The following NFIL3 variants were observed in gnomAD, a reference collection of about 807,000 sequenced individuals.
NFIL3 encodes nuclear factor interleukin-3-regulated protein.
Under a neutral mutation model 10.0 loss-of-function variants are expected in NFIL3, and 5 were observed. The observed-to-expected ratio is 0.50, with a 90% CI of 0.26 to 1.06. NFIL3 has a LOEUF of 1.06. Among genes scored for constraint, NFIL3 ranks in the 50% least tolerant of loss-of-function variants. The pLI is 0.13. For synonymous variants in NFIL3, 202 were observed against 206.5 expected, an observed-to-expected ratio of 0.98 and a Z score of 0.19; for missense variants, 436 against 547.6, an observed-to-expected ratio of 0.80 and a Z score of 2.03.
chr9:91,451,839 T>A, the NFIL3 span, among the ~76,000 whole-genome samples: 3 of 152,156 alleles, frequency 2.0e-5, no homozygotes, highest in African/African-American at 7.2e-5. Flanking sequence ...AGTAAGGAAG[T>A]CCTTTGTCTC....
At chr9:91,468,861 T>C in the NFIL3 span, among the ~76,000 whole-genome samples, 1 of 152,184 alleles carries the variant, frequency 6.6e-6, no homozygotes, top group African/African-American at 2.4e-5. Flanking sequence ...TGTGTGATGT[T>C]GTTTCTGAGG....
At chr9:91,436,503 G>A in the NFIL3 span, among the ~76,000 whole-genome samples, 1 of 152,022 alleles carries the variant, frequency 6.6e-6, no homozygotes, top group African/African-American at 2.4e-5. Flanking sequence ...GCGTGAATCC[G>A]GGTGGCGGAG....
In NFIL3 at chr9:91,409,299, T is replaced by C. The variant is rs1458765464; in HGVS notation, c.*47A>G. 3 of 1,510,024 alleles carry C rather than the reference T, an allele frequency of 2.0e-6. No homozygotes were observed. Among genetic ancestry groups the C allele is most frequent in the East Asian group, 2.3e-5 (1 of 44,080 alleles). 93.5% of individuals were successfully genotyped at this position (1,510,024 alleles called of 1,614,324 possible). On this transcript the variant is annotated 3_prime_UTR_variant, in exon 2 of 2. Transcript: ENST00000297689. ...GCATAATACAAAATGGACTGCTCTA[T>C]TGCAAATGACATCTTTCTAAATGCC...
At chr9:91,461,468 T>C in the NFIL3 span, among the ~76,000 whole-genome samples, 1 of 150,676 alleles carries the variant, frequency 6.6e-6, no homozygotes, top group Admixed American at 6.6e-5. Flanking sequence ...GCCACAAACT[T>C]CGTGGCTTAA....
the NFIL3 span, among the ~76,000 whole-genome samples, chr9:91,479,842 A>G: frequency 2.0e-5 from 3 of 152,228 alleles, no homozygotes; most frequent in Non-Finnish European, 2.9e-5. Context: ...AAAGCGTAGT[A>G]TCTGGGCCAG....
chr9:91,440,587 T>G, the NFIL3 span, among the ~76,000 whole-genome samples: 8 of 152,068 alleles, frequency 5.3e-5, no homozygotes, highest in Admixed American at 1.3e-4. Context: ...TCTTGAAGAA[T>G]ATTTTTAGAC....
the NFIL3 span, among the ~76,000 whole-genome samples, chr9:91,479,088 C>T: frequency 3.3e-5 from 5 of 152,190 alleles, no homozygotes; most frequent in African/African-American, 1.2e-4. Context: ...TCAACCCCTG[C>T]TGGGACGTGT....
the NFIL3 span, among the ~76,000 whole-genome samples, chr9:91,434,760 G>A: frequency 0.08 from 12,213 of 151,860 alleles, 687 homozygotes; most frequent in South Asian, 0.16. Flanking sequence ...AATAATTTTC[G>A]AAAAAAATCA....
At position 91,410,524 on chromosome 9, in the gene NFIL3, T is replaced by C; in HGVS notation, c.211A>G (p.Lys71Glu). ...RRKREFIPDE[K>E]KDAMYWEKRR... ...TTTTCCCAATACATAGCATCTTTCT[T>C]TTCATCAGGAATGAATTCCCGTTTC... The change falls in exon 2 of 2, where the codon AAG (lysine) becomes GAG (glutamate). Residue 71 changes from lysine to glutamate, a missense_variant. Lys to Glu is a moderately conservative substitution (Grantham distance 56). Transcript: ENST00000297689. This position sits in a 1 kb window ranked among gnomAD's most constrained non-coding sequence, Gnocchi z 5.7. 6.2e-7 allele frequency: 1 copy of C among 1,614,220 alleles called. No individual in the cohort carries two copies. The highest frequency in any genetic ancestry group is 8.5e-7 in the Non-Finnish European group (1 of 1,180,048).
At chr9:91,465,224 A>G in the NFIL3 span, among the ~76,000 whole-genome samples, 1 of 152,128 alleles carries the variant, frequency 6.6e-6, no homozygotes, top group African/African-American at 2.4e-5. Context: ...TCAAATACGT[A>G]TACACTGCCC....
chr9:91,447,659 C>T, the NFIL3 span, among the ~76,000 whole-genome samples: 2 of 152,078 alleles, frequency 1.3e-5, no homozygotes, highest in African/African-American at 4.8e-5. Context: ...TATTCAAGTC[C>T]TTTAACTACT....
At chr9:91,426,005 C>G (rs911502858), upstream of NFIL3, among the ~76,000 whole-genome samples, 1 of 152,170 alleles carries the variant, frequency 6.6e-6, no homozygotes, top group Non-Finnish European at 1.5e-5. Context: ...CATGGAATTT[C>G]AAAGCCGTTG....
the NFIL3 span, among the ~76,000 whole-genome samples, chr9:91,453,039 T>G: frequency 6.6e-6 from 1 of 152,002 alleles, no homozygotes; most frequent in East Asian, 1.9e-4. Flanking sequence ...CAACAGAAAT[T>G]TACTTTCTCA....
Position 91,409,253 on chromosome 9 carries a change from C to A in NFIL3, c.*93G>T. ...TGTGCACATCACAGTGAAATGACAT[C>A]ACAGGTCCAGTGAAAATTCAGCATA... On this transcript the variant is annotated 3_prime_UTR_variant, in exon 2 of 2. Coordinates refer to ENST00000297689, the MANE Select transcript of NFIL3 (RefSeq NM_005384.3). 1 of 1,203,640 alleles carries A rather than the reference C, an allele frequency of 8.3e-7. No homozygotes were observed. Among genetic ancestry groups the A allele is most frequent in the South Asian group, 1.5e-5 (1 of 64,862 alleles). 74.6% of individuals were successfully genotyped at this position (1,203,640 alleles called of 1,614,324 possible). A position where few individuals can be genotyped will look rare whatever the true frequency, so the allele number is the denominator to read the frequency against.
At chr9:91,439,310 G>T in the NFIL3 span, among the ~76,000 whole-genome samples, 17 of 151,954 alleles carry the variant, frequency 1.1e-4, no homozygotes, top group Non-Finnish European at 2.5e-4. Flanking sequence ...TTTCAGCTAG[G>T]TTATTATTCT....
At chr9:91,473,844 C>A in the NFIL3 span, among the ~76,000 whole-genome samples, 1 of 152,230 alleles carries the variant, frequency 6.6e-6, no homozygotes, top group Non-Finnish European at 1.5e-5. Context: ...CATCTTGGAA[C>A]AATCTCCAAT....
intron 1 of NFIL3, among the ~76,000 whole-genome samples, chr9:91,411,673 GAATTTTTT>G (rs1833551320): frequency 6.6e-6 from 1 of 152,170 alleles, no homozygotes; most frequent in Non-Finnish European, 1.5e-5. Context: ...TAAGAGATTA[GAATTTTTT>G]TTTCTGATTC....
chr9:91,421,916 A>AT, intron 1 of NFIL3, among the ~76,000 whole-genome samples: 1 of 152,346 alleles, frequency 6.6e-6, no homozygotes, highest in South Asian at 2.1e-4. Flanking sequence ...CCAGGAAGAA[A>AT]TTTAATATTT....
At chr9:91,469,077 T>C in the NFIL3 span, among the ~76,000 whole-genome samples, 2 of 152,198 alleles carry the variant, frequency 1.3e-5, no homozygotes, top group African/African-American at 4.8e-5. Context: ...AAGAAAGTCA[T>C]TGGTAGCTTG....
Sources: gnomAD v4.1 joint callset for allele counts (sites outside exome capture counted in the v4.1 genomes callset) on GRCh38, gnomAD v4.1.1 for gene constraint, Gnocchi (gnomAD v3.1) non-coding constraint, MANE v1.5 for transcripts, NCBI Gene and HGNC (gene_info 2026-07-23, HGNC 2026-07-21) for gene names.